Variants in GULP1 observed in about 807,000 individuals in gnomAD.
GULP1 encodes GULP PTB domain containing engulfment adaptor 1.
A neutral mutation model predicts 40.9 loss-of-function variants in GULP1; 19 were observed. That is an observed-to-expected ratio of 0.46 (90% CI 0.32 to 0.68). The LOEUF is 0.68. Among genes scored for constraint, GULP1 ranks in the 30% least tolerant of loss-of-function variants. The pLI is 0.03. For synonymous variants in GULP1, 119 were observed against 117.6 expected (o/e 1.01, Z -0.08); for missense variants, 312 against 362.2 (o/e 0.86, Z 1.12).
At chr2:188,293,473 A>G (rs558764806) in intron 1 of GULP1, among the ~76,000 whole-genome samples, 2 of 152,366 alleles carry the variant, frequency 1.3e-5, no homozygotes, top group East Asian at 3.9e-4. Flanking sequence ...CTGTATTACA[A>G]AATGGGTGAT....
At chr2:188,573,193 T>G (rs779377251) in intron 9 of GULP1, among the ~76,000 whole-genome samples, 30 of 152,206 alleles carry the variant, frequency 2.0e-4, no homozygotes, top group Non-Finnish European at 3.4e-4. Flanking sequence ...GCTAATGTGT[T>G]TCCTATTAAA....
intron 2 of GULP1, among the ~76,000 whole-genome samples, chr2:188,461,876 A>G (rs2059736238): frequency 6.6e-6 from 1 of 152,068 alleles, no homozygotes; most frequent in Non-Finnish European, 1.5e-5. Flanking sequence ...TAACTTTTCA[A>G]AAAAATAGTC....
At chr2:188,332,847 A>G (rs1270691222) in intron 1 of GULP1, among the ~76,000 whole-genome samples, 3 of 152,146 alleles carry the variant, frequency 2.0e-5, no homozygotes, top group Non-Finnish European at 4.4e-5. Context: ...TTCATGAGGT[A>G]ACTTTGGGTG....
chr2:188,471,763 A>G (rs2060611954), intron 2 of GULP1, among the ~76,000 whole-genome samples: 1 of 151,976 alleles, frequency 6.6e-6, no homozygotes, highest in Non-Finnish European at 1.5e-5. Flanking sequence ...ATTATTTTTG[A>G]TTGTTTCATG....
chr2:188,514,082 T>TGTGTGTGTGTGTGTGTGTGTGTGC (rs766246317), intron 4 of GULP1, among the ~76,000 whole-genome samples: 7 of 149,358 alleles, frequency 4.7e-5, no homozygotes, highest in East Asian at 2.0e-4. Flanking sequence ...TGTGTGTGTG[T>TGTGTGTGTGTGTGTGTGTGTGTGC]GCGCCCTGCC....
intron 4 of GULP1, among the ~76,000 whole-genome samples, chr2:188,502,537 T>C (rs2063530412): frequency 6.6e-6 from 1 of 151,952 alleles, no homozygotes; most frequent in Non-Finnish European, 1.5e-5. Flanking sequence ...TTTTAGTCTA[T>C]AAACCTATGG....
intron 4 of GULP1, among the ~76,000 whole-genome samples, chr2:188,493,453 G>A (rs537653176): frequency 3.3e-5 from 5 of 151,964 alleles, no homozygotes; most frequent in African/African-American, 7.2e-5. Context: ...GGGTTCTATC[G>A]TTAGAACATT....
At chr2:188,294,000 G>C (rs2034377347) in intron 1 of GULP1, 1 of 152,240 alleles carries the variant, frequency 6.6e-6, no homozygotes, top group East Asian at 1.9e-4. Flanking sequence ...AGTTGGATAT[G>C]ACCGAGGAAA....
At chr2:188,372,428 C>T (rs771798036) in intron 1 of GULP1, among the ~76,000 whole-genome samples, 1 of 152,034 alleles carries the variant, frequency 6.6e-6, no homozygotes, top group Non-Finnish European at 1.5e-5. Flanking sequence ...CATGCAAGTG[C>T]ACTCTGACAT....
At chr2:188,526,072 A>G (rs568401279) in intron 5 of GULP1, among the ~76,000 whole-genome samples, 1 of 152,274 alleles carries the variant, frequency 6.6e-6, no homozygotes, top group Admixed American at 6.5e-5. Flanking sequence ...CTTTTTAAAA[A>G]GTCCTCTGAG....
chr2:188,448,912 C>G (rs1336016483), intron 2 of GULP1, among the ~76,000 whole-genome samples: 2 of 152,162 alleles, frequency 1.3e-5, no homozygotes, highest in Non-Finnish European at 2.9e-5. Context: ...TCCTGTTTTG[C>G]CTTCTGCCAT....
At chr2:188,448,364 C>T (rs1324462284) in intron 2 of GULP1, among the ~76,000 whole-genome samples, 1 of 152,070 alleles carries the variant, frequency 6.6e-6, no homozygotes, top group African/African-American at 2.4e-5. Flanking sequence ...TTTCCCATGT[C>T]ACTGAAAAGA....
chr2:188,375,728 T>C (rs1305666279), intron 1 of GULP1, among the ~76,000 whole-genome samples: 1 of 152,178 alleles, frequency 6.6e-6, no homozygotes, highest in African/African-American at 2.4e-5. Flanking sequence ...TAAAATACTA[T>C]AGTAAAGAAT....
chr2:188,394,834 G>A (rs1042335544), intron 2 of GULP1, among the ~76,000 whole-genome samples: 4 of 152,136 alleles, frequency 2.6e-5, no homozygotes, highest in Non-Finnish European at 5.9e-5. Flanking sequence ...GTGTTTGTAT[G>A]ATGGCTTTCT....
At chr2:188,355,641 T>C (rs549172680) in intron 1 of GULP1, among the ~76,000 whole-genome samples, 171 of 152,140 alleles carry the variant, frequency 1.1e-3, no homozygotes, top group African/African-American at 4.0e-3. Flanking sequence ...ATTAAAAAAA[T>C]TGAAGAGGAG....
intron 1 of GULP1, among the ~76,000 whole-genome samples, chr2:188,348,331 T>G (rs1327132643): frequency 6.6e-6 from 1 of 152,212 alleles, no homozygotes; most frequent in Non-Finnish European, 1.5e-5. Flanking sequence ...AACCTGTAAC[T>G]ATTAACTGAA....
At chr2:188,390,208 A>G (rs2050324045) in intron 2 of GULP1, among the ~76,000 whole-genome samples, 2 of 152,174 alleles carry the variant, frequency 1.3e-5, no homozygotes, top group African/African-American at 4.8e-5. Context: ...GCTGTATTCC[A>G]TAGATATTGT....
At chr2:188,549,157 G>A (rs956064955) in intron 7 of GULP1, among the ~76,000 whole-genome samples, 2 of 88,738 alleles carry the variant, frequency 2.3e-5, no homozygotes, top group African/African-American at 6.5e-5. Flanking sequence ...CCATGTCTTA[G>A]GAAAGCATTC....
At chr2:188,582,981 G>C (rs781628629) in intron 9 of GULP1, among the ~76,000 whole-genome samples, 21 of 152,098 alleles carry the variant, frequency 1.4e-4, no homozygotes, top group Admixed American at 2.6e-4. Flanking sequence ...CAGAATAGAG[G>C]CTGGAAGATT....
Sources: allele counts gnomAD v4.1 joint callset (sites outside exome capture counted in the v4.1 genomes callset), GRCh38; gene constraint gnomAD v4.1.1; transcripts MANE v1.5; gene names NCBI Gene and HGNC (gene_info 2026-07-23, HGNC 2026-07-21).